Variants in DAB1 observed in about 807,000 individuals in gnomAD.
The protein encoded by DAB1 is DAB adaptor protein 1.
A neutral mutation model predicts 64.6 loss-of-function variants in DAB1; 15 were observed. The ratio of observed to expected loss-of-function variants is 0.23; its 90% CI spans 0.16 to 0.36. The LOEUF is 0.36. DAB1 is among the 10% of genes least tolerant of loss of function. The pLI is 1.00. For synonymous variants in DAB1, 235 were observed against 251.9 expected, an observed-to-expected ratio of 0.93 and a Z score of 0.64; for missense variants, 596 against 706.7, an observed-to-expected ratio of 0.84 and a Z score of 1.78.
intron 7 of DAB1, among the ~76,000 whole-genome samples, chr1:57,492,088 T>C (rs1023516246): frequency 9.9e-5 from 15 of 152,208 alleles, no homozygotes; most frequent in Non-Finnish European, 2.2e-4. Context: ...GCCTTAGTTG[T>C]CAAACTAAGA....
chr1:58,121,296 ATACACAGTAGCAGGG>A (rs1652720342), intron 5 of DAB1, among the ~76,000 whole-genome samples: 1 of 152,116 alleles, frequency 6.6e-6, no homozygotes, highest in Admixed American at 6.5e-5. Context: ...CCCACTGTCC[ATACACAGTAGCAGGG>A]TATGCAAGTA....
intron 5 of DAB1, among the ~76,000 whole-genome samples, chr1:58,011,717 T>G (rs1388459127): frequency 1.3e-5 from 2 of 152,222 alleles, no homozygotes; most frequent in African/African-American, 4.8e-5. Flanking sequence ...AGACGAAGTC[T>G]CTTTCTGTCG....
chr1:58,134,903 T>C (rs1314865828), intron 5 of DAB1, among the ~76,000 whole-genome samples: 1 of 151,976 alleles, frequency 6.6e-6, no homozygotes, highest in African/African-American at 2.4e-5. Context: ...GTAGACAGGA[T>C]GAAAAATGAC....
At chr1:57,162,922 T>A (rs1284145961) in intron 2 of DAB1, among the ~76,000 whole-genome samples, 1 of 152,214 alleles carries the variant, frequency 6.6e-6, no homozygotes, top group Non-Finnish European at 1.5e-5. Context: ...GATAGAGGGT[T>A]TAAGTAGAAT....
intron 6 of DAB1, among the ~76,000 whole-genome samples, chr1:57,657,643 T>A (rs1417511373): frequency 2.0e-5 from 3 of 152,170 alleles, no homozygotes; most frequent in Non-Finnish European, 4.4e-5. Flanking sequence ...AGAAGTTAGT[T>A]TGACATCTAG....
intron 4 of DAB1, among the ~76,000 whole-genome samples, chr1:57,082,979 C>A (rs1368874643): frequency 6.6e-6 from 1 of 152,072 alleles, no homozygotes; most frequent in African/African-American, 2.4e-5. Context: ...TTGAGTGGGT[C>A]GGGGTGCAGA....
intron 3 of DAB1, among the ~76,000 whole-genome samples, chr1:58,362,040 T>C (rs1644172634): frequency 6.6e-6 from 1 of 152,042 alleles, no homozygotes; most frequent in Non-Finnish European, 1.5e-5. Context: ...AATTTTTGTA[T>C]TTTTAGTAGA....
intron 4 of DAB1, among the ~76,000 whole-genome samples, chr1:58,253,197 G>T (rs748472915): frequency 9.2e-5 from 14 of 152,126 alleles, no homozygotes; most frequent in Non-Finnish European, 2.1e-4. Flanking sequence ...CTAAAAAATT[G>T]AATCACTATC....
chr1:58,539,398 T>C lies in DAB1; in HGVS notation n.32+7305A>G, dbSNP rs1569980520. 3.7e-5 allele frequency: 24 copies of C among 657,492 alleles called. No homozygotes were observed. The South Asian group carries it at 3.8e-4, about 10-fold the overall frequency. The allele number at this position is 657,492 out of a possible 1,614,324, so 40.7% of individuals were successfully genotyped here. A position where few individuals can be genotyped will look rare whatever the true frequency, so the allele number is the denominator to read the frequency against. ...AACACTTATTAAATAGGCGTGTCAG[T>C]TGTTCTTCTAACACATCTCAGGCTA... On this transcript the variant is annotated intron_variant and non_coding_transcript_variant, in intron 1 of 20. Coordinates refer to the DAB1 transcript ENST00000485760.
intron 7 of DAB1, among the ~76,000 whole-genome samples, chr1:57,541,866 G>C (rs1377901249): frequency 6.6e-6 from 1 of 152,160 alleles, no homozygotes. Context: ...TCTGGCCTTA[G>C]AGAAATAAAG....
intron 1 of DAB1, chr1:57,862,672 T>C (rs1246492666): frequency 6.6e-6 from 1 of 152,184 alleles, no homozygotes; most frequent in Non-Finnish European, 1.5e-5. Context: ...AGATGACGAA[T>C]ACATTCAAAG....
intron 3 of DAB1, among the ~76,000 whole-genome samples, chr1:58,440,914 A>G (rs1004712398): frequency 3.3e-5 from 5 of 152,206 alleles, no homozygotes; most frequent in Admixed American, 6.5e-5. Context: ...CAATAACCGC[A>G]TGATTAAGTC....
intron 2 of DAB1, among the ~76,000 whole-genome samples, chr1:57,206,967 C>CTT (rs1665597639): frequency 1.0e-5 from 1 of 98,480 alleles, no homozygotes; most frequent in African/African-American, 4.0e-5. Context: ...TTCCTTCCTT[C>CTT]CTTTTTTTTT....
chr1:57,555,284 C>T (rs975906884), intron 7 of DAB1, among the ~76,000 whole-genome samples: 2 of 151,830 alleles, frequency 1.3e-5, no homozygotes, highest in African/African-American at 2.4e-5. Context: ...CTGCCTGCCT[C>T]GGCCTCCCAA....
chr1:57,057,076 G>C (rs1459394018), intron 9 of DAB1, among the ~76,000 whole-genome samples: 1 of 152,092 alleles, frequency 6.6e-6, no homozygotes, highest in Non-Finnish European at 1.5e-5. Context: ...AGATCACTAA[G>C]GCTGTTCTTA....
At chr1:57,959,868 C>T (rs941546048) in intron 5 of DAB1, among the ~76,000 whole-genome samples, 2 of 152,124 alleles carry the variant, frequency 1.3e-5, no homozygotes, top group African/African-American at 4.8e-5. Flanking sequence ...ACTTGAAAAT[C>T]GAAATCCAAA....
At chr1:57,927,341 G>A (rs1209903561) in intron 5 of DAB1, among the ~76,000 whole-genome samples, 2 of 152,068 alleles carry the variant, frequency 1.3e-5, no homozygotes, top group Non-Finnish European at 2.9e-5. Flanking sequence ...CTGCAGAAGG[G>A]TAAGTGAACC....
intron 3 of DAB1, among the ~76,000 whole-genome samples, chr1:58,387,717 CT>C (rs57961202): frequency 0.046 from 4,779 of 102,820 alleles, 312 homozygotes; most frequent in African/African-American, 0.18. Context: ...TTTTTCTTTT[CT>C]TTTCTTTTTT....
At chr1:58,316,011 A>T (rs1662551989) in intron 4 of DAB1, among the ~76,000 whole-genome samples, 1 of 152,202 alleles carries the variant, frequency 6.6e-6, no homozygotes, top group Non-Finnish European at 1.5e-5. Flanking sequence ...AATCAAAAAG[A>T]CTGTGGTTTA....
Sources: allele counts gnomAD v4.1 joint callset (sites outside exome capture counted in the v4.1 genomes callset), GRCh38; gene constraint gnomAD v4.1.1; transcripts MANE v1.5; gene names NCBI Gene and HGNC (gene_info 2026-07-23, HGNC 2026-07-21).